Variants in NTM observed in about 807,000 individuals in gnomAD.
The protein encoded by NTM is IgLON family member 2.
A neutral mutation model predicts 42.1 loss-of-function variants in NTM; 13 were observed. The observed-to-expected ratio is 0.31, with a 90% confidence interval of 0.20 to 0.49. NTM has a LOEUF of 0.49. NTM is among the 20% of genes least tolerant of loss of function. The pLI is 0.99. For missense variants in NTM, 373 were observed against 452.8 expected, an observed-to-expected ratio of 0.82 and a Z score of 1.60; for synonymous variants, 187 against 179.2, an observed-to-expected ratio of 1.04 and a Z score of -0.35.
chr11:132,252,649 G>A (rs950008159), intron 4 of NTM, among the ~76,000 whole-genome samples: 1 of 152,136 alleles, frequency 6.6e-6, no homozygotes, highest in Non-Finnish European at 1.5e-5. Flanking sequence ...GATACTTCTT[G>A]GTAATTATAG....
At chr11:131,890,707 G>A (rs558760962) in intron 1 of NTM, among the ~76,000 whole-genome samples, 1 of 152,244 alleles carries the variant, frequency 6.6e-6, no homozygotes, top group African/African-American at 2.4e-5. Flanking sequence ...CTCAGAACGA[G>A]CTCCTCGTGA....
intron 1 of NTM, among the ~76,000 whole-genome samples, chr11:131,725,147 C>A (rs1196054434): frequency 6.6e-6 from 1 of 152,152 alleles, no homozygotes; most frequent in African/African-American, 2.4e-5. Flanking sequence ...CAATGAAGGC[C>A]ATGATGGATG....
intron 1 of NTM, among the ~76,000 whole-genome samples, chr11:131,874,290 A>G (rs949701771): frequency 6.6e-6 from 1 of 151,576 alleles, no homozygotes; most frequent in African/African-American, 2.4e-5. Context: ...AATCTAGGGC[A>G]TGTGGCATGC....
At chr11:131,503,791 C>T (rs148307055) in intron 1 of NTM, among the ~76,000 whole-genome samples, 106 of 152,148 alleles carry the variant, frequency 7.0e-4, no homozygotes, top group African/African-American at 2.0e-3. Context: ...ACTACAGGTG[C>T]GAGCCACCAC....
At chr11:131,703,864 C>G (rs1044239917) in intron 1 of NTM, among the ~76,000 whole-genome samples, 2 of 152,094 alleles carry the variant, frequency 1.3e-5, no homozygotes, top group African/African-American at 4.8e-5. Context: ...GACCCCAATT[C>G]CAGGCCTATA....
At chr11:131,948,636 C>G (rs528432983) in intron 2 of NTM, among the ~76,000 whole-genome samples, 17 of 152,300 alleles carry the variant, frequency 1.1e-4, no homozygotes, top group African/African-American at 3.6e-4. Flanking sequence ...GCTGTTCTCT[C>G]TGCCTGGAAA....
intron 1 of NTM, among the ~76,000 whole-genome samples, chr11:131,632,018 G>T (rs1329124693): frequency 1.6e-4 from 25 of 151,918 alleles, no homozygotes; most frequent in Non-Finnish European, 8.8e-5. Flanking sequence ...GTATGCATAT[G>T]TTTCAGCACC....
At chr11:132,064,910 C>A (rs566722867) in intron 2 of NTM, among the ~76,000 whole-genome samples, 3 of 152,192 alleles carry the variant, frequency 2.0e-5, no homozygotes, top group African/African-American at 7.2e-5. Flanking sequence ...TCATTTTACC[C>A]GTGTTTCCTC....
At chr11:132,220,790 A>T (rs2084982722) in intron 4 of NTM, among the ~76,000 whole-genome samples, 1 of 152,196 alleles carries the variant, frequency 6.6e-6, no homozygotes. Flanking sequence ...AATAAAGGAA[A>T]CATAATAGCA....
intron 1 of NTM, among the ~76,000 whole-genome samples, chr11:131,678,532 C>T (rs1303483945): frequency 1.3e-5 from 2 of 152,238 alleles, no homozygotes; most frequent in Admixed American, 1.3e-4. Context: ...TACTCCCTCT[C>T]CCAGTGTGGA....
At chr11:131,621,728 G>A (rs766439540) in intron 1 of NTM, among the ~76,000 whole-genome samples, 5 of 151,264 alleles carry the variant, frequency 3.3e-5, no homozygotes, top group African/African-American at 7.3e-5. Flanking sequence ...AGGCTGAGGT[G>A]GAATGATGGC....
At chr11:131,809,170 A>G (rs2092636587) in intron 1 of NTM, among the ~76,000 whole-genome samples, 1 of 152,228 alleles carries the variant, frequency 6.6e-6, no homozygotes, top group South Asian at 2.1e-4. Flanking sequence ...ATAGATGCTC[A>G]ACACTTAATT....
intron 3 of NTM, among the ~76,000 whole-genome samples, chr11:132,181,968 T>TTATTAC (rs1446321595): frequency 6.8e-6 from 1 of 146,984 alleles, no homozygotes; most frequent in Admixed American, 6.8e-5. Context: ...ATTATTATTA[T>TTATTAC]TATTATTATT....
At chr11:131,665,086 C>T (rs962639937) in intron 1 of NTM, among the ~76,000 whole-genome samples, 2 of 152,152 alleles carry the variant, frequency 1.3e-5, no homozygotes, top group African/African-American at 4.8e-5. Flanking sequence ...CAGTGGCATT[C>T]ACGCGTCCCC....
intron 3 of NTM, 180 bp from the exon 4 acceptor site, chr11:132,211,842 A>T (rs545902334): frequency 2.1e-6 from 1 of 466,398 alleles, no homozygotes; most frequent in Non-Finnish European, 3.6e-6. Flanking sequence ...ATAGGAGGAA[A>T]TCAAAGCTAA....
chr11:131,754,456 C>T (rs1242633583), intron 1 of NTM, among the ~76,000 whole-genome samples: 1 of 152,068 alleles, frequency 6.6e-6, no homozygotes, highest in Admixed American at 6.5e-5. Flanking sequence ...GAAACCCCGT[C>T]TCCACTAAAC....
At chr11:131,943,975 G>A (rs541523155) in intron 2 of NTM, among the ~76,000 whole-genome samples, 8 of 152,068 alleles carry the variant, frequency 5.3e-5, no homozygotes, top group African/African-American at 1.9e-4. Context: ...GTCTTTCTTA[G>A]AGAACTTTAT....
chr11:132,232,697 G>A (rs990887600), intron 4 of NTM, among the ~76,000 whole-genome samples: 2 of 152,276 alleles, frequency 1.3e-5, no homozygotes, highest in Middle Eastern at 3.4e-3. Flanking sequence ...TTGTAAACAT[G>A]AACACATTAC....
At chr11:132,187,205 C>G (rs1566417087) in intron 3 of NTM, among the ~76,000 whole-genome samples, 1 of 138,200 alleles carries the variant, frequency 7.2e-6, no homozygotes, top group Non-Finnish European at 1.5e-5. Context: ...AAGGAGGTTG[C>G]TCAGATGGCG....
Sources: gnomAD v4.1 joint callset for allele counts (sites outside exome capture counted in the v4.1 genomes callset) on GRCh38, gnomAD v4.1.1 for gene constraint, MANE v1.5 for transcripts, NCBI Gene and HGNC (gene_info 2026-07-23, HGNC 2026-07-21) for gene names.